UBE2K: variants seen among roughly 807,000 people sequenced by gnomAD.
UBE2K encodes the protein ubiquitin conjugating enzyme E2 K.
In UBE2K, 6 loss-of-function variants were observed where a neutral mutation model predicts 30.0. The ratio of observed to expected loss-of-function variants is 0.20; its 90% confidence interval spans 0.11 to 0.39. The LOEUF (loss-of-function observed/expected upper bound fraction) is 0.39. UBE2K is among the 10% of genes least tolerant of loss of function. The pLI is 1.00. For missense variants in UBE2K, 61 were observed against 241.6 expected (o/e 0.25, Z 4.96); for synonymous variants, 86 against 83.7 (o/e 1.03, Z -0.15).
intron 4 of UBE2K, chr4:39,771,078 C>T: frequency 6.2e-7 from 1 of 1,612,588 alleles, no homozygotes. Context: ...TGAGGGCATT[C>T]TGGCATTTCT....
chr4:39,712,195 CTTTTTT>C (rs34711359), intron 1 of UBE2K, among the ~76,000 whole-genome samples: 1 of 58,310 alleles, frequency 1.7e-5, no homozygotes, highest in Non-Finnish European at 2.9e-5. Context: ...CACCGACAAC[CTTTTTT>C]TTTTTTTTTT....
At chr4:39,768,825 A>C (rs1251881892) in intron 4 of UBE2K, among the ~76,000 whole-genome samples, 1 of 152,194 alleles carries the variant, frequency 6.6e-6, no homozygotes, top group African/African-American at 2.4e-5. Context: ...TAGCCGTTCT[A>C]ACGAGTGCTA....
intron 4 of UBE2K, among the ~76,000 whole-genome samples, chr4:39,766,888 A>T (rs1045163440): frequency 3.9e-5 from 6 of 151,980 alleles, no homozygotes; most frequent in African/African-American, 1.5e-4. Context: ...CGTAGCTGGG[A>T]TTACAAACAT....
chr4:39,765,955 A>C (rs1268005896), intron 4 of UBE2K, among the ~76,000 whole-genome samples: 1 of 152,186 alleles, frequency 6.6e-6, no homozygotes, highest in Non-Finnish European at 1.5e-5. Context: ...ACACACATAC[A>C]CATACACATA....
intron 1 of UBE2K, among the ~76,000 whole-genome samples, chr4:39,723,126 C>A (rs1249142597): frequency 6.6e-6 from 1 of 151,788 alleles, no homozygotes; most frequent in Non-Finnish European, 1.5e-5. Flanking sequence ...TCACTGCACC[C>A]CCTGCCTTCC....
intron 1 of UBE2K, among the ~76,000 whole-genome samples, chr4:39,701,389 T>C (rs1718001617): frequency 6.6e-6 from 1 of 152,234 alleles, no homozygotes; most frequent in Non-Finnish European, 1.5e-5. Context: ...CTGCTGTTAA[T>C]AACTAGCTGC....
chr4:39,740,107 A>G (rs1720611784), intron 2 of UBE2K, among the ~76,000 whole-genome samples: 1 of 152,092 alleles, frequency 6.6e-6, no homozygotes, highest in African/African-American at 2.4e-5. Flanking sequence ...GCTTGTCCTA[A>G]TAGCAGATGT....
chr4:39,766,576 A>G (rs1165772649), intron 4 of UBE2K, among the ~76,000 whole-genome samples: 1 of 151,800 alleles, frequency 6.6e-6, no homozygotes, highest in African/African-American at 2.4e-5. Context: ...CCTGCAACAC[A>G]GAAGTTTTTT....
chr4:39,772,620 C>T (rs568729824), intron 4 of UBE2K, among the ~76,000 whole-genome samples: 11 of 151,642 alleles, frequency 7.3e-5, no homozygotes, highest in Admixed American at 1.3e-4. Context: ...TAAAAATGGG[C>T]ATTCTCTTTA....
intron 1 of UBE2K, among the ~76,000 whole-genome samples, chr4:39,719,544 C>T (rs1719305230): frequency 6.6e-6 from 1 of 152,186 alleles, no homozygotes; most frequent in African/African-American, 2.4e-5. Context: ...AGGTTTAGGG[C>T]AGGCTTCCGT....
chr4:39,717,238 C>CTT (rs879798081), intron 1 of UBE2K, among the ~76,000 whole-genome samples: 1 of 144,992 alleles, frequency 6.9e-6, no homozygotes, highest in African/African-American at 2.5e-5. Flanking sequence ...TCTTTTCTTT[C>CTT]TTTTTTTTTT....
chr4:39,713,309 G>GTTTTTTT (rs1578423265), intron 1 of UBE2K, among the ~76,000 whole-genome samples: 3 of 7,806 alleles, frequency 3.8e-4, no homozygotes, highest in African/African-American at 3.1e-3. Context: ...TTTTGAGACA[G>GTTTTTTT]TTCTTGCTCT....
intron 3 of UBE2K, among the ~76,000 whole-genome samples, chr4:39,754,083 G>T (rs1315733867): frequency 2.0e-5 from 3 of 152,186 alleles, no homozygotes; most frequent in Non-Finnish European, 1.5e-5. Flanking sequence ...GGTCATTAAT[G>T]GTCCTTAAAG....
chr4:39,770,414 G>A (rs1446364148), intron 4 of UBE2K: 2 of 1,612,824 alleles, frequency 1.2e-6, no homozygotes, highest in South Asian at 1.1e-5. Context: ...GCATGTGGAA[G>A]ACCAGCTTCT....
intron 3 of UBE2K, among the ~76,000 whole-genome samples, chr4:39,752,314 TTTTTTTTTTTCTTTTTTTTTC>T (rs1255091970): frequency 2.3e-5 from 3 of 133,328 alleles, no homozygotes; most frequent in South Asian, 2.6e-4. Flanking sequence ...CTGGCTAATT[TTTTTTTTTTTCTTTTTTTTTC>T]TTTTTTTTTT....
Position 39,781,380 on chromosome 4 carries a change from A to G in UBE2K, c.*2946A>G, listed in dbSNP as rs936644625. 2 of 152,138 alleles carry G rather than the reference A, an allele frequency of 1.3e-5. No homozygotes were observed. The highest frequency in any genetic ancestry group is 4.8e-5 in the African/African-American group (2 of 41,438). 9.4% of individuals were successfully genotyped at this position (152,138 alleles called of 1,614,324 possible). A position where few individuals can be genotyped will look rare whatever the true frequency, so the allele number is the denominator to read the frequency against. ...TTTATGATTGTTGGCACATAAAACT[A>G]TGCAAAATAATTCTTTTTAAGTATC... On this transcript the variant is annotated 3_prime_UTR_variant, in exon 7 of 7. Coordinates refer to ENST00000261427, the MANE Select transcript of UBE2K (RefSeq NM_005339.5).
chr4:39,719,560 T>G (rs973053074), intron 1 of UBE2K, among the ~76,000 whole-genome samples: 6 of 152,204 alleles, frequency 3.9e-5, no homozygotes, highest in Admixed American at 3.9e-4. Flanking sequence ...TCCGTTACTT[T>G]TAGCAAATGT....
intron 4 of UBE2K, among the ~76,000 whole-genome samples, chr4:39,774,462 A>T (rs1713157711): frequency 6.6e-6 from 1 of 151,370 alleles, no homozygotes; most frequent in Non-Finnish European, 1.5e-5. Context: ...AAATACAAAA[A>T]ATTAGCTGGG....
intron 3 of UBE2K, among the ~76,000 whole-genome samples, chr4:39,751,983 T>C (rs1415886225): frequency 6.6e-6 from 1 of 152,048 alleles, no homozygotes; most frequent in African/African-American, 2.4e-5. Flanking sequence ...AGTAAAAAAA[T>C]AAGATTAAAA....
Sources: allele counts gnomAD v4.1 joint callset (sites outside exome capture counted in the v4.1 genomes callset), GRCh38; gene constraint gnomAD v4.1.1; transcripts MANE v1.5; gene names NCBI Gene and HGNC (gene_info 2026-07-23, HGNC 2026-07-21).